Variants in N4BP2L1 observed in about 807,000 individuals in gnomAD.
N4BP2L1 encodes the protein NEDD4 binding protein 2 like 1.
N4BP2L1 carries 12 observed loss-of-function variants against 21.2 expected under a neutral mutation model. The ratio of observed to expected loss-of-function variants is 0.57; its 90% CI spans 0.36 to 0.92. N4BP2L1 has a LOEUF of 0.92. Among genes scored for constraint, N4BP2L1 ranks in the 40% least tolerant of loss-of-function variants. The probability of loss-of-function intolerance (pLI) is 0.01; values close to 1 mark genes in which losing one functional copy is unlikely to be tolerated. For synonymous variants in N4BP2L1, 104 were observed against 112.8 expected, an observed-to-expected ratio of 0.92 and a Z score of 0.49; for missense variants, 259 against 310.6, an observed-to-expected ratio of 0.83 and a Z score of 1.25.
intron 3 of N4BP2L1, among the ~76,000 whole-genome samples, chr13:32,405,626 C>T (rs1008178482): frequency 3.3e-5 from 5 of 152,172 alleles, no homozygotes; most frequent in South Asian, 4.1e-4. Flanking sequence ...GTTCATTTCT[C>T]GCCCAAGTAG....
At chr13:32,414,408 A>T (rs1054357417) in intron 1 of N4BP2L1, among the ~76,000 whole-genome samples, 6 of 152,104 alleles carry the variant, frequency 3.9e-5, no homozygotes, top group Non-Finnish European at 8.8e-5. Context: ...TCATTTAGAG[A>T]TATTCTTTGG....
chr13:32,406,368 T>C (rs1251505434), intron 3 of N4BP2L1: 1 of 152,254 alleles, frequency 6.6e-6, no homozygotes, highest in Non-Finnish European at 1.5e-5. Flanking sequence ...GTACTGTTCT[T>C]TGCTATTCTG....
intron 4 of N4BP2L1, 189 bp downstream of exon 4, chr13:32,404,132 T>C (rs908089036): frequency 6.3e-7 from 1 of 1,597,192 alleles, no homozygotes; most frequent in African/African-American, 1.3e-5. Context: ...TTTAGCATTA[T>C]ATTAGAAAAC....
At chr13:32,411,771 T>C (rs1306998240) in intron 1 of N4BP2L1, 5 of 979,412 alleles carry the variant, frequency 5.1e-6, no homozygotes, top group Non-Finnish European at 4.9e-6. Flanking sequence ...TAATTCTTTA[T>C]TTAATAATAG....
chr13:32,428,375 G>T, upstream of N4BP2L1: 2 of 269,328 alleles, frequency 7.4e-6, no homozygotes, highest in Non-Finnish European at 1.4e-5. Context: ...CAGTGGAGGG[G>T]AGGGGCCCCG....
chr13:32,413,069 G>A (rs1313646774), intron 1 of N4BP2L1, among the ~76,000 whole-genome samples: 4 of 151,652 alleles, frequency 2.6e-5, no homozygotes, highest in African/African-American at 9.7e-5. Flanking sequence ...GATTATAGGC[G>A]CCCACCACCA....
chr13:32,404,074 T>C, intron 4 of N4BP2L1: 1 of 1,284,100 alleles, frequency 7.8e-7, no homozygotes, highest in Non-Finnish European at 1.1e-6. Context: ...TTTAGCAGAA[T>C]GTTAAATGCA....
chr13:32,419,036 G>C (rs1223882438), intron 1 of N4BP2L1, among the ~76,000 whole-genome samples: 9 of 152,132 alleles, frequency 5.9e-5, no homozygotes, highest in Non-Finnish European at 1.2e-4. Context: ...TTGGGGGACT[G>C]TTAGGAAGAC....
intron 1 of N4BP2L1, among the ~76,000 whole-genome samples, chr13:32,417,459 G>A (rs927334803): frequency 6.6e-5 from 10 of 152,276 alleles, no homozygotes; most frequent in African/African-American, 1.7e-4. Flanking sequence ...CTTCCACCAT[G>A]ATTATAAGTT....
intron 3 of N4BP2L1, among the ~76,000 whole-genome samples, chr13:32,405,892 C>CCTTTTTTTTT (rs2073452557): frequency 9.9e-6 from 1 of 101,190 alleles, no homozygotes. Context: ...TTCCTGCCCC[C>CCTTTTTTTTT]TTTTTTTTTT....
intron 1 of N4BP2L1, among the ~76,000 whole-genome samples, chr13:32,423,955 AAC>A (rs1256453115): frequency 3.9e-5 from 6 of 152,256 alleles, no homozygotes; most frequent in African/African-American, 1.4e-4. Context: ...AAGGCATTTT[AAC>A]ACACACAGTG....
intron 1 of N4BP2L1, among the ~76,000 whole-genome samples, chr13:32,415,213 G>A (rs570382304): frequency 3.9e-5 from 6 of 152,250 alleles, no homozygotes; most frequent in South Asian, 2.1e-4. Context: ...CCTCCTAGTG[G>A]CCACTGCAGG....
chr13:32,421,163 G>A (rs2074456246), intron 1 of N4BP2L1, among the ~76,000 whole-genome samples: 1 of 152,214 alleles, frequency 6.6e-6, no homozygotes. Flanking sequence ...GATGTGCCTG[G>A]CCTTCTTTTA....
At chr13:32,428,747 G>C (rs185663523), upstream of N4BP2L1, among the ~76,000 whole-genome samples, 166 of 152,372 alleles carry the variant, frequency 1.1e-3, 1 homozygote, top group Admixed American at 3.5e-3. Flanking sequence ...ATTGATTTAT[G>C]AACAGTAGCA....
At chr13:32,426,668 C>T (rs923568236) in intron 1 of N4BP2L1, among the ~76,000 whole-genome samples, 2 of 152,170 alleles carry the variant, frequency 1.3e-5, no homozygotes, top group African/African-American at 4.8e-5. Context: ...TCGGCAGTTC[C>T]TTGGTACCAT....
intron 1 of N4BP2L1, among the ~76,000 whole-genome samples, chr13:32,409,682 A>AGCC (rs2073737111): frequency 6.6e-6 from 1 of 152,136 alleles, no homozygotes; most frequent in African/African-American, 2.4e-5. Flanking sequence ...AAGGGTCAGG[A>AGCC]GCCGGGGAAA....
chr13:32,411,784 A>T, intron 1 of N4BP2L1: 25 of 975,542 alleles, frequency 2.6e-5, no homozygotes, highest in Non-Finnish European at 2.9e-5. Context: ...AATAATAGAG[A>T]ACCATAGAGA....
Position 32,407,526 on chromosome 13 carries a change from G to C in N4BP2L1, c.307+119C>G, listed in dbSNP as rs771249345. 5 of 1,594,500 alleles carry C rather than the reference G, an allele frequency of 3.1e-6. No homozygotes were observed. The South Asian group carries it at 5.6e-5, about 18-fold the overall frequency. ...AGGTTATGCTCTGGTGTTCTGTTTT[G>C]GGGGAAAAATTGGCAGAACTTTCGG... is the stretch of plus-strand genomic sequence containing the variant. On this transcript the variant is annotated intron_variant, in intron 2 of 4. Coordinates refer to ENST00000380130, the MANE Select transcript of N4BP2L1 (RefSeq NM_052818.3).
At chr13:32,404,146 C>T (rs2073325971) in intron 4 of N4BP2L1, 175 bp downstream of exon 4, 2 of 1,606,994 alleles carry the variant, frequency 1.2e-6, no homozygotes, top group African/African-American at 1.3e-5. Flanking sequence ...AGAAAACTGA[C>T]CCAAAACTAA....
Sources: gnomAD v4.1 joint callset for allele counts (sites outside exome capture counted in the v4.1 genomes callset) on GRCh38, gnomAD v4.1.1 for gene constraint, MANE v1.5 for transcripts, NCBI Gene and HGNC (gene_info 2026-07-23, HGNC 2026-07-21) for gene names.